The following STK32A variants were observed in gnomAD, a reference collection of about 807,000 sequenced individuals.
STK32A encodes serine/threonine-protein kinase 32A.
Under a neutral mutation model 53.2 loss-of-function variants are expected in STK32A, and 41 were observed. The observed-to-expected ratio is 0.77, with a 90% CI of 0.60 to 1.00. The LOEUF (loss-of-function observed/expected upper bound fraction) is 1.00. Ranked by LOEUF, STK32A falls within the 50% of genes least tolerant of loss-of-function variation. The pLI is 0.00. For missense variants in STK32A, 458 were observed against 485.8 expected (o/e 0.94, Z 0.54); for synonymous variants, 166 against 162.8 (o/e 1.02, Z -0.15).
chr5:147,344,550 A>G (rs1242528283), intron 6 of STK32A, among the ~76,000 whole-genome samples: 1 of 152,200 alleles, frequency 6.6e-6, no homozygotes, highest in African/African-American at 2.4e-5. Flanking sequence ...AGGCAGGAGG[A>G]TCGCTTGAGC....
chr5:147,258,064 T>C (rs1378434094), intron 2 of STK32A, among the ~76,000 whole-genome samples: 2 of 151,928 alleles, frequency 1.3e-5, no homozygotes, highest in Admixed American at 6.6e-5. Flanking sequence ...ATTAGCAAGT[T>C]GTTAAACTTA....
chr5:147,396,750 C>T, the STK32A span, among the ~76,000 whole-genome samples: 2 of 151,992 alleles, frequency 1.3e-5, no homozygotes, highest in African/African-American at 4.8e-5. Flanking sequence ...TTGGGGAAGT[C>T]TCCTTCTCTA....
intron 6 of STK32A, among the ~76,000 whole-genome samples, chr5:147,348,248 G>A (rs1397939331): frequency 6.6e-6 from 1 of 152,188 alleles, no homozygotes; most frequent in African/African-American, 2.4e-5. Flanking sequence ...TCATGCAAGT[G>A]TAAACAGCAT....
At chr5:147,282,310 C>T (rs1369507936) in intron 4 of STK32A, among the ~76,000 whole-genome samples, 1 of 152,184 alleles carries the variant, frequency 6.6e-6, no homozygotes. Flanking sequence ...TTCCTGAACA[C>T]ACACCCCCAC....
At chr5:147,340,787 C>G (rs1265853624) in intron 5 of STK32A, among the ~76,000 whole-genome samples, 1 of 152,082 alleles carries the variant, frequency 6.6e-6, no homozygotes, top group East Asian at 1.9e-4. Flanking sequence ...TGTCATGGTT[C>G]TTTACGAAGC....
intron 4 of STK32A, among the ~76,000 whole-genome samples, chr5:147,303,051 A>G (rs1438679718): frequency 2.6e-5 from 4 of 152,212 alleles, no homozygotes; most frequent in African/African-American, 9.6e-5. Context: ...GTAAGGATAT[A>G]AAAGATCATT....
downstream of STK32A, among the ~76,000 whole-genome samples, chr5:147,389,452 T>A (rs183229054): frequency 3.5e-4 from 53 of 152,304 alleles, no homozygotes; most frequent in African/African-American, 8.9e-4. Context: ...ACTAGGTCAA[T>A]GATGAGTACA....
intron 4 of STK32A, among the ~76,000 whole-genome samples, chr5:147,317,323 CTT>C (rs3064294): frequency 5.8e-3 from 468 of 81,274 alleles, no homozygotes; most frequent in African/African-American, 0.022. Flanking sequence ...CTTTTTCTTT[CTT>C]TTTTTTTTTT....
intron 2 of STK32A, among the ~76,000 whole-genome samples, chr5:147,255,662 CCT>C (rs1377352329): frequency 6.6e-6 from 1 of 152,128 alleles, no homozygotes; most frequent in African/African-American, 2.4e-5. Context: ...GCAAACTACC[CCT>C]CTTTCTGCTA....
chr5:147,384,157 T>C lies in STK32A; in HGVS notation c.*174T>C. The C allele has an allele frequency of 6.9e-7, 1 of 1,449,448 alleles. No individual in the cohort carries two copies. Among genetic ancestry groups the C allele is most frequent in the South Asian group, 1.5e-5 (1 of 66,216 alleles). The allele number at this position is 1,449,448 out of a possible 1,614,324, so 89.8% of individuals were successfully genotyped here. ...GTGAAGGGTCCTGGGCCTGAGCTCCTGGGATGTCATTTCACATCAATCAAC... is the reference window on the plus strand; with the variant it reads ...GTGAAGGGTCCTGGGCCTGAGCTCCCGGGATGTCATTTCACATCAATCAAC... On this transcript the variant is annotated 3_prime_UTR_variant, in exon 13 of 13. Transcript: ENST00000397936.
intron 4 of STK32A, among the ~76,000 whole-genome samples, chr5:147,317,479 C>A (rs1317043018): frequency 6.6e-6 from 1 of 151,704 alleles, no homozygotes; most frequent in Non-Finnish European, 1.5e-5. Context: ...AGGTGCGCGC[C>A]ACCATGCCCA....
At chr5:147,272,376 A>G (rs1274264236) in intron 2 of STK32A, among the ~76,000 whole-genome samples, 3 of 152,222 alleles carry the variant, frequency 2.0e-5, no homozygotes, top group Non-Finnish European at 4.4e-5. Flanking sequence ...TGCACTCAGC[A>G]ATCACAGATA....
At chr5:147,292,991 C>T (rs1752676850) in intron 4 of STK32A, among the ~76,000 whole-genome samples, 1 of 152,156 alleles carries the variant, frequency 6.6e-6, no homozygotes, top group Non-Finnish European at 1.5e-5. Context: ...AAAGTTTTTA[C>T]ATAATCCATT....
rs991882403 is a variant in STK32A, at chr5:147,387,148, C to T, written c.*3165C>T. 6.6e-6 allele frequency: 1 copy of T among 152,264 alleles called. No homozygotes were observed. The highest frequency in any genetic ancestry group is 1.5e-5 in the Non-Finnish European group (1 of 68,060). The allele number at this position is 152,264 out of a possible 1,614,324, so 9.4% of individuals were successfully genotyped here. A position where few individuals can be genotyped will look rare whatever the true frequency, so the allele number is the denominator to read the frequency against. The stretch of plus-strand genomic sequence containing the variant: ...GCATCCCAGCTATAAGGCTCTTGCA[C>T]TGTGACAGAGCTGCCCACCTCCAGT... On this transcript the variant is annotated 3_prime_UTR_variant, in exon 13 of 13. Transcript: ENST00000397936.
chr5:147,401,041 T>C, the STK32A span, among the ~76,000 whole-genome samples: 1 of 152,194 alleles, frequency 6.6e-6, no homozygotes, highest in Admixed American at 6.5e-5. Context: ...GGGGGTGGGA[T>C]TAGCTCATCT....
intron 9 of STK32A, among the ~76,000 whole-genome samples, chr5:147,372,069 G>T (rs1487736317): frequency 1.3e-5 from 2 of 152,000 alleles, no homozygotes; most frequent in Non-Finnish European, 2.9e-5. Flanking sequence ...TGTTACCATT[G>T]TATTCTCAGC....
At chr5:147,329,694 G>T (rs1754769145) in intron 5 of STK32A, among the ~76,000 whole-genome samples, 1 of 152,292 alleles carries the variant, frequency 6.6e-6, no homozygotes, top group African/African-American at 2.4e-5. Flanking sequence ...AATGCTCATG[G>T]TTATACCTCT....
chr5:147,376,733 C>T (rs572360510), intron 11 of STK32A, among the ~76,000 whole-genome samples: 197 of 152,232 alleles, frequency 1.3e-3, no homozygotes, highest in Non-Finnish European at 2.2e-3. Flanking sequence ...TTCCCTGTTC[C>T]TAGAATGGTC....
intron 6 of STK32A, 82 bp from the exon 7 acceptor site, chr5:147,350,983 T>G (rs1342659459): frequency 8.7e-7 from 1 of 1,147,494 alleles, no homozygotes; most frequent in Non-Finnish European, 1.3e-6. Flanking sequence ...ACAGACTAAT[T>G]GGGTGTTTTC....
Sources: gnomAD v4.1 joint callset for allele counts (sites outside exome capture counted in the v4.1 genomes callset) on GRCh38, gnomAD v4.1.1 for gene constraint, MANE v1.5 for transcripts, NCBI Gene and HGNC (gene_info 2026-07-23, HGNC 2026-07-21) for gene names.